The following ABTB3 variants were observed in gnomAD, a reference collection of about 807,000 sequenced individuals.
ABTB3 encodes ankyrin repeat- and BTB/POZ domain-containing protein 3.
chr12:107,554,407 A>G, the ABTB3 span, among the ~76,000 whole-genome samples: 1 of 152,038 alleles, frequency 6.6e-6, no homozygotes, highest in African/African-American at 2.4e-5. Context: ...TCTAATACTC[A>G]TTAGCTGTGT....
the ABTB3 span, among the ~76,000 whole-genome samples, chr12:107,491,951 T>C: frequency 3.1e-4 from 47 of 151,964 alleles, no homozygotes; most frequent in Non-Finnish European, 6.6e-4. Flanking sequence ...AGAGGTTTAG[T>C]CAGAGGGCTG....
At chr12:107,501,392 A>T in the ABTB3 span, among the ~76,000 whole-genome samples, 1 of 123,818 alleles carries the variant, frequency 8.1e-6, no homozygotes, top group Non-Finnish European at 1.6e-5. Context: ...CCAGTAAAAA[A>T]AAAAAACAAG....
the ABTB3 span, among the ~76,000 whole-genome samples, chr12:107,512,345 T>C: frequency 6.6e-6 from 1 of 152,256 alleles, no homozygotes; most frequent in African/African-American, 2.4e-5. Context: ...CAAATTTGGC[T>C]GTGAGCTTCC....
the ABTB3 span, among the ~76,000 whole-genome samples, chr12:107,336,692 T>C: frequency 2.6e-5 from 4 of 152,360 alleles, no homozygotes; most frequent in Admixed American, 1.3e-4. Context: ...CAGATCATCT[T>C]GTGTCTCCAG....
At chr12:107,614,027 C>T in the ABTB3 span, among the ~76,000 whole-genome samples, 2 of 152,118 alleles carry the variant, frequency 1.3e-5, no homozygotes, top group Non-Finnish European at 2.9e-5. Flanking sequence ...AAGGGGTCCT[C>T]AGCATTGGGT....
the ABTB3 span, among the ~76,000 whole-genome samples, chr12:107,514,208 C>T: frequency 1.3e-5 from 2 of 152,314 alleles, no homozygotes; most frequent in East Asian, 3.9e-4. Context: ...GGTATCTTGT[C>T]CCTCTTGCTC....
the ABTB3 span, among the ~76,000 whole-genome samples, chr12:107,540,896 G>A: frequency 6.6e-6 from 1 of 152,296 alleles, no homozygotes; most frequent in Admixed American, 6.5e-5. Context: ...AGCTACTTGG[G>A]AGGCTTAAGT....
At chr12:107,482,681 C>A in the ABTB3 span, among the ~76,000 whole-genome samples, 1 of 152,046 alleles carries the variant, frequency 6.6e-6, no homozygotes, top group African/African-American at 2.4e-5. Flanking sequence ...GACATGCCAC[C>A]TCCTCACTGC....
At chr12:107,429,887 C>T in the ABTB3 span, among the ~76,000 whole-genome samples, 6 of 152,218 alleles carry the variant, frequency 3.9e-5, no homozygotes, top group African/African-American at 9.7e-5. Flanking sequence ...GCACTTGAGA[C>T]AGACTTTGCA....
chr12:107,608,311 A>G, the ABTB3 span, among the ~76,000 whole-genome samples: 1 of 152,272 alleles, frequency 6.6e-6, no homozygotes, highest in Admixed American at 6.5e-5. Flanking sequence ...GGGTTGGCTC[A>G]GGCCCACCCT....
chr12:107,592,765 AG>A, the ABTB3 span, among the ~76,000 whole-genome samples: 3 of 152,218 alleles, frequency 2.0e-5, no homozygotes, highest in Non-Finnish European at 4.4e-5. Context: ...TTCAGGAGAG[AG>A]GGTACTCAGA....
the ABTB3 span, among the ~76,000 whole-genome samples, chr12:107,480,392 A>G: frequency 6.6e-6 from 1 of 152,182 alleles, no homozygotes; most frequent in African/African-American, 2.4e-5. Flanking sequence ...GAGGAATATC[A>G]GGTGGAGAGA....
chr12:107,547,987 C>T, the ABTB3 span, among the ~76,000 whole-genome samples: 4 of 152,292 alleles, frequency 2.6e-5, no homozygotes, highest in Admixed American at 6.5e-5. Context: ...CTAGAGGGAT[C>T]GTTATTTCTT....
chr12:107,416,963 T>G, the ABTB3 span, among the ~76,000 whole-genome samples: 9,111 of 152,228 alleles, frequency 0.06, 810 homozygotes, highest in African/African-American at 0.2. Context: ...AAGGTGGGTT[T>G]CTCCCTTCTT....
chr12:107,543,922 CT>C, the ABTB3 span: 1 of 1,603,934 alleles, frequency 6.2e-7, no homozygotes, highest in Non-Finnish European at 8.5e-7. Context: ...TGAAATCTTC[CT>C]TCTGTCCACA....
the ABTB3 span, among the ~76,000 whole-genome samples, chr12:107,345,493 A>G: frequency 6.6e-6 from 1 of 151,882 alleles, no homozygotes; most frequent in Non-Finnish European, 1.5e-5. Flanking sequence ...ACCCAAACTC[A>G]CTTAAGCAGA....
the ABTB3 span, among the ~76,000 whole-genome samples, chr12:107,425,418 G>A: frequency 6.6e-6 from 1 of 152,202 alleles, no homozygotes; most frequent in Non-Finnish European, 1.5e-5. Context: ...GAATTAGATA[G>A]GGTGAGGATT....
the ABTB3 span, among the ~76,000 whole-genome samples, chr12:107,362,966 G>A: frequency 6.6e-6 from 1 of 152,168 alleles, no homozygotes; most frequent in South Asian, 2.1e-4. Context: ...TAGCTAGTAC[G>A]TAGAGGACCT....
chr12:107,466,307 G>A, the ABTB3 span, among the ~76,000 whole-genome samples: 1 of 152,092 alleles, frequency 6.6e-6, no homozygotes, highest in Non-Finnish European at 1.5e-5. Context: ...AGAGGGAAGT[G>A]AGGGGAAGAG....
Sources: gnomAD v4.1 joint callset for allele counts (sites outside exome capture counted in the v4.1 genomes callset) on GRCh38, gnomAD v4.1.1 for gene constraint, MANE v1.5 for transcripts, NCBI Gene and HGNC (gene_info 2026-07-23, HGNC 2026-07-21) for gene names.